Variants in ZNF483 observed in about 807,000 individuals in gnomAD.
ZNF483 encodes the protein zinc finger protein 483, also known as zinc finger protein HIT-10.
In ZNF483, 9 loss-of-function variants were observed where a neutral mutation model predicts 28.6. The observed-to-expected ratio is 0.32, with a 90% confidence interval of 0.19 to 0.55. The LOEUF (loss-of-function observed/expected upper bound fraction) is 0.55. Among genes scored for constraint, ZNF483 ranks in the 20% least tolerant of loss-of-function variants. The pLI is 0.93. For missense variants in ZNF483, 675 were observed against 871.7 expected (o/e 0.77, Z 2.84); for synonymous variants, 322 against 306.2 (o/e 1.05, Z -0.54).
At position 111,552,329 on chromosome 9, in the gene ZNF483, T is replaced by G. The variant is rs966219884; in HGVS notation, c.*9159T>G. Among the ~76,000 whole-genome samples the G allele has an allele frequency of 1.3e-5, 2 of 152,222 alleles. No individual in the cohort carries two copies. The highest frequency in any genetic ancestry group is 4.8e-5 in the African/African-American group (2 of 41,456). On this transcript the variant is annotated 3_prime_UTR_variant, in exon 6 of 6. Coordinates refer to ENST00000309235, the MANE Select transcript of ZNF483 (RefSeq NM_133464.5). ...TCATAAACTGTCAACATTCTATAGCTTTTGTGCATATGTACTGAAGAATTA... is the reference window on the plus strand; with the variant it reads ...TCATAAACTGTCAACATTCTATAGCGTTTGTGCATATGTACTGAAGAATTA...
chr9:111,563,322 T>A, intron 5 of ZNF483: 3 of 1,278,134 alleles, frequency 2.3e-6, no homozygotes, highest in Non-Finnish European at 3.2e-6. Flanking sequence ...ATCAGGTACA[T>A]CATTGGAAAC....
intron 5 of ZNF483, among the ~76,000 whole-genome samples, chr9:111,560,606 A>T (rs1263640931): frequency 2.9e-5 from 4 of 136,696 alleles, no homozygotes; most frequent in Non-Finnish European, 1.5e-5. Flanking sequence ...ATGCTACTGC[A>T]CGTCAGCCTG....
intron 5 of ZNF483, among the ~76,000 whole-genome samples, chr9:111,573,496 A>G (rs1262204212): frequency 1.3e-5 from 2 of 152,184 alleles, no homozygotes; most frequent in African/African-American, 4.8e-5. Flanking sequence ...CATAGAATAA[A>G]TAACCATTGA....
At chr9:111,525,532 C>T (rs1375783137) in intron 1 of ZNF483, among the ~76,000 whole-genome samples, 2 of 152,124 alleles carry the variant, frequency 1.3e-5, no homozygotes, top group African/African-American at 2.4e-5. Context: ...GAGGCTCTCC[C>T]GTTGTGGCAG....
chr9:111,569,325 G>A (rs1367780265), intron 5 of ZNF483, among the ~76,000 whole-genome samples: 8 of 152,186 alleles, frequency 5.3e-5, no homozygotes, highest in Admixed American at 4.6e-4. Flanking sequence ...AAGAGTCTGA[G>A]GAGGACCAAT....
At position 111,549,804 on chromosome 9, in the gene ZNF483, CA is replaced by C; in HGVS notation, c.*6636del. On this transcript the variant is annotated 3_prime_UTR_variant, in exon 6 of 6. Coordinates refer to ENST00000309235, the MANE Select transcript of ZNF483 (RefSeq NM_133464.5). ...TTCTTCATTTTCTCTTTTGATCTGT[CA>C]ACACAATCAGAACATTTAGCTCTTT... The C allele has an allele frequency of 6.7e-7, 1 of 1,502,138 alleles. No homozygotes were observed. The allele number at this position is 1,502,138 out of a possible 1,614,324, so 93.1% of individuals were successfully genotyped here.
chr9:111,525,712 C>G (rs958157645), intron 1 of ZNF483, among the ~76,000 whole-genome samples: 3 of 152,046 alleles, frequency 2.0e-5, no homozygotes, highest in Non-Finnish European at 4.4e-5. Context: ...ACATTTTCAC[C>G]GGGCCTCCTA....
chr9:111,536,765 A>T (rs1046284928), intron 5 of ZNF483, among the ~76,000 whole-genome samples: 1 of 151,982 alleles, frequency 6.6e-6, no homozygotes, highest in Non-Finnish European at 1.5e-5. Flanking sequence ...CCAAAAACAT[A>T]ACTACTAATA....
chr9:111,548,849 TAAC>T lies in ZNF483; in HGVS notation c.*5683_*5685del. On this transcript the variant is annotated 3_prime_UTR_variant, in exon 6 of 6. Coordinates refer to ENST00000309235, the MANE Select transcript of ZNF483 (RefSeq NM_133464.5). ...TTTTTTTCTTTCTGCATTAAGAGTA[TAAC>T]AACGCCACAGCCTTCTGGCTTCCAA... is the stretch of plus-strand genomic sequence containing the variant. Among the ~76,000 whole-genome samples the T allele has an allele frequency of 6.6e-6, 1 of 151,926 alleles. No homozygotes were observed. Among genetic ancestry groups the T allele is most frequent in the East Asian group, 1.9e-4 (1 of 5,192 alleles).
At position 111,542,290 on chromosome 9, in the gene ZNF483, C is replaced by T. The variant is rs751071638; in HGVS notation, c.1355C>T (p.Ala452Val). ...TGTGGAAAAGCCTTTGGCTATAGCG[C>T]CTCACTCACCAAACATCGGAGAATT... ...SKCGKAFGYS[A>V]SLTKHRRIHT... is the part of the protein sequence containing the mutation. Residue 452 changes from alanine (A) to valine (V), a missense_variant, in exon 6 of 6, where the codon GCC becomes GTC. Ala to Val is a moderately conservative substitution (Grantham distance 64). This residue lies in a region of ZNF483 where 525 missense variants were observed against 581.8 expected (regional missense o/e 0.90). Transcript: ENST00000309235. The surrounding 1 kb of genome is among the most constrained non-coding windows in gnomAD (Gnocchi z 6.2). 46 of 1,614,154 alleles carry T rather than the reference C, an allele frequency of 2.8e-5. No individual in the cohort carries two copies. The highest frequency in any genetic ancestry group is 3.6e-5 in the Non-Finnish European group (42 of 1,180,016).
Position 111,543,240 on chromosome 9 carries a change from C to T in ZNF483, c.*70C>T. 4 of 1,522,126 alleles carry T rather than the reference C, an allele frequency of 2.6e-6. No homozygotes were observed. In the South Asian group the frequency reaches 5.3e-5, roughly 20 times the overall value. 94.3% of individuals were successfully genotyped at this position (1,522,126 alleles called of 1,614,324 possible). Reference sequence around the variant, plus strand: ...AGTTACTGAAACCCTGGGATGTAAACTTACAGTATTGATCAGTAGCTGCAG... The same window carrying T: ...AGTTACTGAAACCCTGGGATGTAAATTTACAGTATTGATCAGTAGCTGCAG... On this transcript the variant is annotated 3_prime_UTR_variant, in exon 6 of 6. Transcript: ENST00000309235.
chr9:111,556,366 C>T (rs937486150), downstream of ZNF483, among the ~76,000 whole-genome samples: 3 of 152,252 alleles, frequency 2.0e-5, no homozygotes, highest in Admixed American at 1.3e-4. Context: ...GGTGGATCTA[C>T]CATTCTGGGG....
intron 5 of ZNF483, chr9:111,564,228 T>C: frequency 1.6e-5 from 17 of 1,078,150 alleles, no homozygotes; most frequent in Non-Finnish European, 2.0e-5. Flanking sequence ...GACAAGATTA[T>C]TTGCTTGAAG....
intron 5 of ZNF483, among the ~76,000 whole-genome samples, chr9:111,535,761 G>A (rs568316170): frequency 6.9e-4 from 105 of 151,794 alleles, no homozygotes; most frequent in Non-Finnish European, 1.0e-3. Context: ...TGGCCAGGAT[G>A]GTCTTGATCT....
At chr9:111,531,680 T>C (rs1032066918) in intron 3 of ZNF483, among the ~76,000 whole-genome samples, 3 of 152,116 alleles carry the variant, frequency 2.0e-5, no homozygotes, top group African/African-American at 7.2e-5. Flanking sequence ...CCGGCCTTGC[T>C]TTTTTTCTTT....
chr9:111,526,332 A>G (rs750229575), intron 1 of ZNF483, among the ~76,000 whole-genome samples: 11 of 152,216 alleles, frequency 7.2e-5, no homozygotes, highest in Non-Finnish European at 1.5e-4. Context: ...AGGTGAGGTC[A>G]TCAGACAGTG....
At chr9:111,571,090 AT>A (rs1828800322) in intron 5 of ZNF483, among the ~76,000 whole-genome samples, 1 of 133,520 alleles carries the variant, frequency 7.5e-6, no homozygotes, top group Non-Finnish European at 1.7e-5. Flanking sequence ...CTGCCAACCC[AT>A]TTTACTTTTA....
intron 5 of ZNF483, chr9:111,563,171 T>C (rs1396115598): frequency 6.2e-7 from 1 of 1,613,988 alleles, no homozygotes; most frequent in East Asian, 2.2e-5. Flanking sequence ...AGCATTCCCA[T>C]AAATGCAGCT....
chr9:111,543,184 T>C lies in ZNF483; in HGVS notation c.*14T>C. 6.4e-7 allele frequency: 1 copy of C among 1,571,486 alleles called. No individual in the cohort carries two copies. On this transcript the variant is annotated 3_prime_UTR_variant, in exon 6 of 6. Coordinates refer to ENST00000309235, the MANE Select transcript of ZNF483 (RefSeq NM_133464.5). ...TCTGCAGAGTAATCCTGGAACTACA[T>C]TAAAGTGGGGGGAATTTAATTCAAA... is the stretch of plus-strand genomic sequence containing the variant.
Sources: allele counts gnomAD v4.1 joint callset (sites outside exome capture counted in the v4.1 genomes callset), GRCh38; gene constraint gnomAD v4.1.1; regional missense constraint gnomAD v4.1.1; non-coding constraint Gnocchi (gnomAD v3.1); transcripts MANE v1.5; gene names NCBI Gene and HGNC (gene_info 2026-07-23, HGNC 2026-07-21).